The following CACNA1E variants were observed in gnomAD, a reference collection of about 807,000 sequenced individuals.
CACNA1E encodes calcium voltage-gated channel subunit alpha1 E.
In CACNA1E, 40 loss-of-function variants were observed where a neutral mutation model predicts 259.2. That is an observed-to-expected ratio of 0.15 (90% confidence interval 0.12 to 0.20). The LOEUF (loss-of-function observed/expected upper bound fraction) is 0.20. Ranked by LOEUF, CACNA1E falls within the 10% of genes least tolerant of loss-of-function variation. The pLI, the probability that CACNA1E is intolerant of heterozygous loss-of-function variation, is 1.00. For missense variants in CACNA1E, 1,874 were observed against 3,040.1 expected (o/e 0.62, Z 9.02); for synonymous variants, 1,104 against 1,138.5 (o/e 0.97, Z 0.61).
intron 7 of CACNA1E, among the ~76,000 whole-genome samples, chr1:181,659,822 A>G (rs1647442368): frequency 6.6e-6 from 1 of 152,216 alleles, no homozygotes; most frequent in Non-Finnish European, 1.5e-5. Flanking sequence ...ATCTCCAACT[A>G]GTTACTGGCA....
In CACNA1E at chr1:181,762,005, T is replaced by C. The variant is rs199918; in HGVS notation, c.4606-569T>C. ...CAGTAGTTGGTTTGAAAAGGCTCAATGGAGTTAGGAGGAGATTTTTGGCAC... is the reference window on the plus strand; with the variant it reads ...CAGTAGTTGGTTTGAAAAGGCTCAACGGAGTTAGGAGGAGATTTTTGGCAC... On this transcript the variant is annotated intron_variant, in intron 32 of 47. Transcript: ENST00000367573. Among the ~76,000 whole-genome samples the C allele has an allele frequency of 3.3e-4, 50 of 152,360 alleles. No individual in the cohort carries two copies. The East Asian group carries it at 9.1e-3, about 28-fold the overall frequency.
chr1:181,386,302 AAC>A (rs1655843567), intron 1 of CACNA1E, among the ~76,000 whole-genome samples: 1 of 152,100 alleles, frequency 6.6e-6, no homozygotes, highest in South Asian at 2.1e-4. Context: ...TTAGCCTGGC[AAC>A]AAAAGGGGCA....
chr1:181,708,123 C>T (rs1229787583), intron 7 of CACNA1E, among the ~76,000 whole-genome samples: 1 of 152,136 alleles, frequency 6.6e-6, no homozygotes, highest in Non-Finnish European at 1.5e-5. Flanking sequence ...GGGAAATGTG[C>T]TGTAGTTGAA....
chr1:181,516,736 C>T (rs1169497427), intron 3 of CACNA1E, among the ~76,000 whole-genome samples: 1 of 152,158 alleles, frequency 6.6e-6, no homozygotes, highest in Non-Finnish European at 1.5e-5. Context: ...CTTTGTTTTC[C>T]ATTGTATGTT....
intron 1 of CACNA1E, among the ~76,000 whole-genome samples, chr1:181,500,495 T>C (rs555140890): frequency 1.3e-5 from 2 of 152,334 alleles, no homozygotes; most frequent in African/African-American, 4.8e-5. Flanking sequence ...AAACATCTAT[T>C]AGCACAACAC....
At chr1:181,360,610 A>G (rs1370625501) in intron 1 of CACNA1E, among the ~76,000 whole-genome samples, 7 of 152,172 alleles carry the variant, frequency 4.6e-5, no homozygotes, top group African/African-American at 2.4e-5. Flanking sequence ...TACAACAGGT[A>G]TGGGCTTTCT....
Position 181,724,591 on chromosome 1 carries a change from T to C in CACNA1E, c.2142+54T>C, listed in dbSNP as rs544756152. The C allele has an allele frequency of 2.1e-5, 30 of 1,427,206 alleles. No homozygotes were observed. In the African/African-American group the frequency reaches 4.2e-4, roughly 20 times the overall value. 88.4% of individuals were successfully genotyped at this position (1,427,206 alleles called of 1,614,324 possible). A position where few individuals can be genotyped will look rare whatever the true frequency, so the allele number is the denominator to read the frequency against. ...TTTCTCTAGTGCCATTGGGTACCCTTTGGCCTTTGGAACTCTCTCCCAAAG... is the reference window on the plus strand; with the variant it reads ...TTTCTCTAGTGCCATTGGGTACCCTCTGGCCTTTGGAACTCTCTCCCAAAG... On this transcript the variant is annotated intron_variant, in intron 17 of 47. Transcript: ENST00000367573.
intron 1 of CACNA1E, among the ~76,000 whole-genome samples, chr1:181,338,869 T>C (rs1454683892): frequency 6.6e-6 from 1 of 152,164 alleles, no homozygotes; most frequent in Non-Finnish European, 1.5e-5. Flanking sequence ...AGTTTCATTT[T>C]TTTTTGCCTG....
At chr1:181,686,283 T>TTTTTTTTTTTTTTTTG (rs1650546079) in intron 7 of CACNA1E, among the ~76,000 whole-genome samples, 1 of 122,764 alleles carries the variant, frequency 8.1e-6, no homozygotes, top group Non-Finnish European at 1.7e-5. Flanking sequence ...AAGTTTTTTT[T>TTTTTTTTTTTTTTTTG]TTTTTTTTTT....
chr1:181,342,284 A>G (rs569988708), intron 1 of CACNA1E, among the ~76,000 whole-genome samples: 24 of 152,300 alleles, frequency 1.6e-4, no homozygotes, highest in African/African-American at 5.8e-4. Context: ...AGCCTTATAA[A>G]GCATTTGGAT....
intron 3 of CACNA1E, among the ~76,000 whole-genome samples, chr1:181,559,151 G>A (rs1040368115): frequency 6.6e-6 from 1 of 152,202 alleles, no homozygotes; most frequent in African/African-American, 2.4e-5. Flanking sequence ...GCCTGGGAGA[G>A]GTTTGTTCCT....
At position 181,781,447 on chromosome 1, in the gene CACNA1E, A is replaced by T; in HGVS notation, c.5288A>T (p.Glu1763Val). Residue 1763 changes from glutamate (E) to valine (V), a missense_variant, in exon 39 of 48, where the codon GAG becomes GTG. Around this residue, in one of 14 missense-constraint regions of CACNA1E, gnomAD observed 147 missense variants for 337.1 expected, o/e 0.44. Coordinates refer to ENST00000367573, the MANE Select transcript of CACNA1E (RefSeq NM_001205293.3). Reference protein sequence around the residue: ...RAACGRIHYTEMYEMLTLMSP... With the variant: ...RAACGRIHYTVMYEMLTLMSP... ...AGCAGTGGCCGCATCCATTACACTG[A>T]GATGTATGAAATGCTGACTCTCATG... is the stretch of plus-strand genomic sequence containing the variant. 1 of 1,587,960 alleles carries T rather than the reference A, an allele frequency of 6.3e-7. No individual in the cohort carries two copies. The highest frequency in any genetic ancestry group is 8.6e-7 in the Non-Finnish European group (1 of 1,163,150).
intron 1 of CACNA1E, among the ~76,000 whole-genome samples, chr1:181,395,686 C>T (rs946296117): frequency 5.3e-5 from 8 of 152,084 alleles, no homozygotes; most frequent in Non-Finnish European, 8.8e-5. Flanking sequence ...GGGTTAAGAG[C>T]GGCATGAGGG....
chr1:181,403,333 G>T (rs894704980), intron 1 of CACNA1E, among the ~76,000 whole-genome samples: 2 of 151,412 alleles, frequency 1.3e-5, no homozygotes, highest in African/African-American at 4.9e-5. Context: ...ATTGATGATG[G>T]TGGTGGAGGT....
chr1:181,674,616 C>T lies in CACNA1E; in HGVS notation c.1055+23175C>T, dbSNP rs564906939. Reference sequence around the variant, plus strand: ...TGAATGTTCCATGCCCCCTCAGCTGCGAATTCCCATGTTTTCTGGGCCAGT... The same window carrying T: ...TGAATGTTCCATGCCCCCTCAGCTGTGAATTCCCATGTTTTCTGGGCCAGT... On this transcript the variant is annotated intron_variant, in intron 7 of 47. Transcript: ENST00000367573. Among the ~76,000 whole-genome samples, 48 of 152,206 alleles carry T rather than the reference C, an allele frequency of 3.2e-4. No individual in the cohort carries two copies. In the South Asian group the frequency reaches 9.5e-3, roughly 30 times the overall value.
At chr1:181,486,986 G>A (rs1022229347) in intron 1 of CACNA1E, among the ~76,000 whole-genome samples, 1 of 151,344 alleles carries the variant, frequency 6.6e-6, no homozygotes, top group Non-Finnish European at 1.5e-5. Flanking sequence ...GCTCATTAAA[G>A]TTTAGGAAGT....
At chr1:181,518,137 C>T (rs895219034) in intron 3 of CACNA1E, among the ~76,000 whole-genome samples, 4 of 151,968 alleles carry the variant, frequency 2.6e-5, no homozygotes, top group African/African-American at 4.8e-5. Flanking sequence ...ATGGGGAAAC[C>T]GAGGCTGAGT....
intron 6 of CACNA1E, among the ~76,000 whole-genome samples, chr1:181,606,453 C>T (rs374926230): frequency 1.3e-4 from 20 of 152,306 alleles, no homozygotes; most frequent in Middle Eastern, 3.4e-3. Context: ...TCCCCGGCTG[C>T]GCCCAGTCCT....
intron 6 of CACNA1E, among the ~76,000 whole-genome samples, chr1:181,649,154 A>G (rs1183466450): frequency 6.6e-6 from 1 of 152,248 alleles, no homozygotes; most frequent in Non-Finnish European, 1.5e-5. Context: ...GTTCCTTTGG[A>G]TCTTTCTACT....
Sources: allele counts gnomAD v4.1 joint callset (sites outside exome capture counted in the v4.1 genomes callset), GRCh38; gene constraint gnomAD v4.1.1; regional missense constraint gnomAD v4.1.1; transcripts MANE v1.5; gene names NCBI Gene and HGNC (gene_info 2026-07-23, HGNC 2026-07-21).